Variants in PGK1 observed in about 807,000 individuals in gnomAD.
PGK1 encodes PRP 2.
In PGK1, 3 loss-of-function variants were observed where a neutral mutation model predicts 26.9. That is an observed-to-expected ratio of 0.11 (90% CI 0.05 to 0.29). PGK1 has a LOEUF of 0.29. Among genes scored for constraint, PGK1 ranks in the 10% least tolerant of loss-of-function variants. The pLI is 1.00. For missense variants in PGK1, 270 were observed against 314.7 expected, an observed-to-expected ratio of 0.86 and a Z score of 1.07; for synonymous variants, 125 against 115.3, an observed-to-expected ratio of 1.08 and a Z score of -0.54.
Position 78,128,044 on chromosome X carries a change from A to C in PGK1, c.*2214A>C, listed in dbSNP as rs373552760. ...AAGTACTTTCTACTGGACTGTTTCC[A>C]GGATCACCCCTCATTTATTTGGGTT... On this transcript the variant is annotated 3_prime_UTR_variant, in exon 11 of 11. Coordinates refer to ENST00000373316, the MANE Select transcript of PGK1 (RefSeq NM_000291.4). 8.9e-6 allele frequency: 1 copy of C among 112,639 alleles called. No individual in the cohort carries two copies. The highest frequency in any genetic ancestry group is 3.2e-5 in the African/African-American group (1 of 30,967). 9.3% of individuals were successfully genotyped at this position (112,639 alleles called of 1,213,427 possible).
In PGK1 at chrX:78,129,230, T is replaced by TATCTATCTTA. The variant is rs2078397028; in HGVS notation, c.*3408_*3409insTAATCTATCT. 1 of 108,160 alleles carries TATCTATCTTA rather than the reference T, an allele frequency of 9.2e-6. No homozygotes were observed. Among genetic ancestry groups the TATCTATCTTA allele is most frequent in the African/African-American group, 3.4e-5 (1 of 29,608 alleles). The allele number at this position is 108,160 out of a possible 1,213,427, so 8.9% of individuals were successfully genotyped here. A position where few individuals can be genotyped will look rare whatever the true frequency, so the allele number is the denominator to read the frequency against. ...ATACCCATGTGTGTACCTATCTATC[T>TATCTATCTTA]ATCTATCTATCTATCTATCTATCTA... On this transcript the variant is annotated 3_prime_UTR_variant, in exon 11 of 11. Coordinates refer to ENST00000373316, the MANE Select transcript of PGK1 (RefSeq NM_000291.4).
At chrX:78,119,712 CTT>C (rs1308229452) in intron 6 of PGK1, among the ~76,000 whole-genome samples, 2 of 111,916 alleles carry the variant, frequency 1.8e-5, no homozygotes, top group African/African-American at 6.5e-5. Flanking sequence ...TCGCCTCTCT[CTT>C]GCCACCATGT....
chrX:78,124,743 T>C (rs2078373729), intron 8 of PGK1, 131 bp from the exon 9 acceptor site: 3 of 559,234 alleles, frequency 5.4e-6, no homozygotes, highest in Admixed American at 2.5e-5. Flanking sequence ...AACAGGTTTA[T>C]AAAGACTGAA....
chrX:78,118,173 A>G lies in PGK1; in HGVS notation c.641+3A>G, dbSNP rs1557247654. Reference sequence around the variant, plus strand: ...CCCTTCCTGGCCATCCTGGGCGGGTATGAAGAACTCTTTAAGATCATGCTT... The same window carrying G: ...CCCTTCCTGGCCATCCTGGGCGGGTGTGAAGAACTCTTTAAGATCATGCTT... On this transcript the variant is annotated splice_donor_region_variant and intron_variant, in intron 6 of 10. Coordinates refer to ENST00000373316, the MANE Select transcript of PGK1 (RefSeq NM_000291.4). The G allele has an allele frequency of 8.3e-7, 1 of 1,210,704 alleles. No individual in the cohort carries two copies. Among genetic ancestry groups the G allele is most frequent in the Non-Finnish European group, 1.1e-6 (1 of 894,626 alleles).
chrX:78,122,372 G>A (rs1188155874), intron 6 of PGK1, among the ~76,000 whole-genome samples: 1 of 108,687 alleles, frequency 9.2e-6, no homozygotes, highest in Non-Finnish European at 1.9e-5. Flanking sequence ...ATTAGCAATC[G>A]TGCTTAGATA....
chrX:78,122,302 C>A (rs1337666007), intron 6 of PGK1, among the ~76,000 whole-genome samples: 6 of 110,950 alleles, frequency 5.4e-5, no homozygotes, highest in African/African-American at 1.6e-4. Flanking sequence ...ATTTAGTATA[C>A]AGTCCAGTCA....
chrX:78,117,292 G>A lies in PGK1; in HGVS notation c.418-20G>A, dbSNP rs1271675265. On this transcript the variant is annotated intron_variant, in intron 4 of 10. Coordinates refer to ENST00000373316, the MANE Select transcript of PGK1 (RefSeq NM_000291.4). ...TGTCTTTGGAGCCATCACATTTTCT[G>A]TTTTTGTTTTTCTCTATAGGTTAAA... 1.8e-6 allele frequency: 2 copies of A among 1,086,101 alleles called. No homozygotes were observed. The highest frequency in any genetic ancestry group is 1.8e-5 in the African/African-American group (1 of 54,831). 89.5% of individuals were successfully genotyped at this position (1,086,101 alleles called of 1,213,427 possible). A position where few individuals can be genotyped will look rare whatever the true frequency, so the allele number is the denominator to read the frequency against.
chrX:78,125,121 G>T, intron 9 of PGK1, 70 bp downstream of exon 9: 1 of 956,511 alleles, frequency 1.0e-6, no homozygotes, highest in East Asian at 3.1e-5. Flanking sequence ...AGGTGGAATG[G>T]AGAACTTCTT....
At chrX:78,107,109 T>C (rs1366630130) in intron 1 of PGK1, among the ~76,000 whole-genome samples, 1 of 111,627 alleles carries the variant, frequency 9.0e-6, no homozygotes, top group African/African-American at 3.3e-5. Flanking sequence ...GATATTCTTA[T>C]TCCAGCTAAA....
chrX:78,112,812 G>T (rs1557246988), intron 2 of PGK1, among the ~76,000 whole-genome samples: 1 of 112,153 alleles, frequency 8.9e-6, no homozygotes, highest in Admixed American at 9.4e-5. Flanking sequence ...AAAAGACATG[G>T]GGGAGTCTAG....
At chrX:78,121,080 G>T (rs1488506573) in intron 6 of PGK1, among the ~76,000 whole-genome samples, 1 of 112,021 alleles carries the variant, frequency 8.9e-6, no homozygotes, top group Non-Finnish European at 1.9e-5. Context: ...TATACATCTT[G>T]TAACTGCTAA....
At chrX:78,114,310 G>A in intron 4 of PGK1, 150 bp downstream of exon 4, 1 of 592,973 alleles carries the variant, frequency 1.7e-6, no homozygotes, top group East Asian at 3.3e-5. Flanking sequence ...TTATCTCAAA[G>A]TAAACACACT....
chrX:78,124,807 T>C, intron 8 of PGK1, 67 bp from the exon 9 acceptor site: 1 of 942,165 alleles, frequency 1.1e-6, no homozygotes, highest in South Asian at 1.9e-5. Context: ...AGTTCTGGTC[T>C]TGGTGGAGGT....
intron 4 of PGK1, among the ~76,000 whole-genome samples, chrX:78,114,860 T>G (rs2078319261): frequency 8.9e-6 from 1 of 112,596 alleles, no homozygotes; most frequent in Non-Finnish European, 1.9e-5. Flanking sequence ...AAATATTCAA[T>G]GATAAAACTG....
chrX:78,104,985 C>T (rs1330416826), intron 1 of PGK1, among the ~76,000 whole-genome samples: 3 of 112,397 alleles, frequency 2.7e-5, no homozygotes, highest in African/African-American at 9.7e-5. Flanking sequence ...GCAGAGCTTA[C>T]GTAACAGGCG....
At position 78,129,245 on chromosome X, in the gene PGK1, C is replaced by CTATCTATCTATCTATCTA. The variant is rs1569550955; in HGVS notation, c.*3432_*3433insATATCTATCTATCTATCT. 3 of 110,355 alleles carry CTATCTATCTATCTATCTA rather than the reference C, an allele frequency of 2.7e-5. No homozygotes were observed. Among genetic ancestry groups the CTATCTATCTATCTATCTA allele is most frequent in the African/African-American group, 9.9e-5 (3 of 30,224 alleles). 9.1% of individuals were successfully genotyped at this position (110,355 alleles called of 1,213,427 possible). On this transcript the variant is annotated 3_prime_UTR_variant, in exon 11 of 11. Coordinates refer to ENST00000373316, the MANE Select transcript of PGK1 (RefSeq NM_000291.4). Reference sequence around the variant, plus strand: ...CCTATCTATCTATCTATCTATCTATCTATCTATCTATCTATCTGTATATAG... The same window carrying CTATCTATCTATCTATCTA: ...CCTATCTATCTATCTATCTATCTATCTATCTATCTATCTATCTATATCTATCTATCTATCTGTATATAG...
intron 6 of PGK1, among the ~76,000 whole-genome samples, chrX:78,120,356 T>TATAC (rs1557247902): frequency 2.8e-4 from 30 of 106,915 alleles, no homozygotes; most frequent in African/African-American, 5.5e-4. Flanking sequence ...CACATATATA[T>TATAC]ACACACACAC....
rs113112273 is a variant in PGK1, at chrX:78,124,580, A to G, written c.937-294A>G. On this transcript the variant is annotated intron_variant, in intron 8 of 10. Transcript: ENST00000373316. Reference sequence around the variant, plus strand: ...AGACATTGCCACATGCCTATCTATTATGAAGGGGCAGAACTGACCTGGTTG... The same window carrying G: ...AGACATTGCCACATGCCTATCTATTGTGAAGGGGCAGAACTGACCTGGTTG... Among the ~76,000 whole-genome samples, 30,018 of 110,594 alleles carry G rather than the reference A, an allele frequency of 0.27. 3,149 individuals carry two copies. The highest frequency in any genetic ancestry group is 0.38 in the East Asian group (1,333 of 3,521).
rs1275166481 is a variant in PGK1, at chrX:78,104,364, G to T, written c.24G>T (p.Thr8=). ...AAATGTCGCTTTCTAACAAGCTGAC[G>T]CTGGACAAGCTGGACGTTAAAGGGA... MSLSNKL[T]LDKLDVKGKR... The change falls in exon 1 of 11, where the codon ACG becomes ACT. Residue 8 remains threonine, a synonymous_variant. Transcript: ENST00000373316. 3.4e-5 allele frequency: 41 copies of T among 1,203,209 alleles called. No homozygotes were observed. Among genetic ancestry groups the T allele is most frequent in the Admixed American group, 4.4e-5 (2 of 45,970 alleles).
Sources: allele counts gnomAD v4.1 joint callset (sites outside exome capture counted in the v4.1 genomes callset), GRCh38; gene constraint gnomAD v4.1.1; transcripts MANE v1.5; gene names NCBI Gene and HGNC (gene_info 2026-07-23, HGNC 2026-07-21).